The following TBC1D30 variants were observed in gnomAD, a reference collection of about 807,000 sequenced individuals.
The protein encoded by TBC1D30 is TBC1 domain family, member 30.
Under a neutral mutation model 63.2 loss-of-function variants are expected in TBC1D30, and 31 were observed. The ratio of observed to expected loss-of-function variants is 0.49; its 90% CI spans 0.37 to 0.66. TBC1D30 has a LOEUF of 0.66. TBC1D30 is among the 30% of genes least tolerant of loss of function. The pLI, the probability that TBC1D30 is intolerant of heterozygous loss-of-function variation, is 0.00. For missense variants in TBC1D30, 810 were observed against 953.6 expected (o/e 0.85, Z 1.98); for synonymous variants, 307 against 361.5 (o/e 0.85, Z 1.71).
intron 1 of TBC1D30, among the ~76,000 whole-genome samples, chr12:64,763,075 C>T (rs1870576094): frequency 6.6e-6 from 1 of 152,164 alleles, no homozygotes; most frequent in African/African-American, 2.4e-5. Flanking sequence ...CCTGCCTCAG[C>T]CTCCTGAGTA....
intron 8 of TBC1D30, among the ~76,000 whole-genome samples, chr12:64,848,853 G>A (rs549561072): frequency 2.0e-4 from 31 of 152,320 alleles, no homozygotes; most frequent in African/African-American, 7.2e-4. Flanking sequence ...TTGCCACACT[G>A]TCTTCCACAA....
At position 64,880,945 on chromosome 12, in the gene TBC1D30, C is replaced by T. The variant is rs1879425936; in HGVS notation, c.*5157C>T. The stretch of plus-strand genomic sequence containing the variant: ...CAACAGTTTTCTGGGAAGAAACTTC[C>T]TGATACCTCAGCCTAGGAATCTCCC... On this transcript the variant is annotated 3_prime_UTR_variant, in exon 12 of 12. Transcript: ENST00000539867. 6.6e-6 allele frequency: 1 copy of T among 152,212 alleles called. No homozygotes were observed. The highest frequency in any genetic ancestry group is 1.5e-5 in the Non-Finnish European group (1 of 68,044). The allele number at this position is 152,212 out of a possible 1,614,324, so 9.4% of individuals were successfully genotyped here.
At chr12:64,775,304 G>A (rs1871042810) in intron 1 of TBC1D30, among the ~76,000 whole-genome samples, 1 of 151,966 alleles carries the variant, frequency 6.6e-6, no homozygotes, top group Non-Finnish European at 1.5e-5. Context: ...ATGTAAATGG[G>A]CTAAATGCCC....
intron 2 of TBC1D30, among the ~76,000 whole-genome samples, chr12:64,811,402 G>T (rs1187502281): frequency 6.6e-6 from 1 of 152,208 alleles, no homozygotes; most frequent in Admixed American, 6.5e-5. Flanking sequence ...TATGGAGAGG[G>T]TCTTCAGTTT....
intron 8 of TBC1D30, among the ~76,000 whole-genome samples, chr12:64,850,249 T>C (rs891362004): frequency 7.2e-5 from 11 of 152,372 alleles, no homozygotes; most frequent in African/African-American, 2.6e-4. Context: ...CTCTTCCTAT[T>C]TGAATACTGT....
intron 1 of TBC1D30, among the ~76,000 whole-genome samples, chr12:64,761,761 C>T (rs1342387787): frequency 1.3e-5 from 2 of 152,212 alleles, no homozygotes; most frequent in Non-Finnish European, 1.5e-5. Flanking sequence ...GGCTGCTCTG[C>T]CTATGGAGTA....
intron 2 of TBC1D30, among the ~76,000 whole-genome samples, chr12:64,790,345 T>G (rs1206259269): frequency 1.3e-5 from 2 of 152,142 alleles, no homozygotes; most frequent in African/African-American, 2.4e-5. Context: ...GAGTATTTGG[T>G]CAGAAGGTTG....
At position 64,878,819 on chromosome 12, in the gene TBC1D30, C is replaced by T; in HGVS notation, c.*3031C>T. ...GCAGGGTGGCCTGTGACCTGCCCAG[C>T]ATTTGCAGACTCGCTGGTTCCTGAA... On this transcript the variant is annotated 3_prime_UTR_variant, in exon 12 of 12. Transcript: ENST00000539867. The T allele has an allele frequency of 4.3e-6, 1 of 233,082 alleles. No individual in the cohort carries two copies. Among genetic ancestry groups the T allele is most frequent in the East Asian group, 9.7e-5 (1 of 10,340 alleles). 14.4% of individuals were successfully genotyped at this position (233,082 alleles called of 1,614,324 possible).
rs1227868208 is a variant in TBC1D30, at chr12:64,831,987, T to A, written c.409-132T>A. On this transcript the variant is annotated intron_variant, in intron 4 of 11. Transcript: ENST00000539867. The stretch of plus-strand genomic sequence containing the variant: ...AAAAATGCATTTTGGCTCATATGTA[T>A]AAAAACATACACATTTTAAAAAAAT... 8 of 825,574 alleles carry A rather than the reference T, an allele frequency of 9.7e-6. No homozygotes were observed. The African/African-American group carries it at 1.4e-4, about 14-fold the overall frequency. The allele number at this position is 825,574 out of a possible 1,614,324, so 51.1% of individuals were successfully genotyped here. A position where few individuals can be genotyped will look rare whatever the true frequency, so the allele number is the denominator to read the frequency against.
Position 64,824,923 on chromosome 12 carries a change from G to A in TBC1D30, c.44G>A (p.Arg15Lys). 6.5e-7 allele frequency: 1 copy of A among 1,534,636 alleles called. No homozygotes were observed. Among genetic ancestry groups the A allele is most frequent in the Non-Finnish European group, 8.7e-7 (1 of 1,146,600 alleles). Residue 15 changes from arginine to lysine, a missense_variant, in exon 1 of 12, where the codon AGA becomes AAA. Coordinates refer to ENST00000539867, the MANE Select transcript of TBC1D30 (RefSeq NM_015279.2). ...ACCGGGTCTCTGAGGCGCGGGGGGA[G>A]ATGCCTGAAGCGGCAGGGCGGCGGC... ...KLTGSLRRGG[R>K]CLKRQGGGVG...
chr12:64,824,749 G>C lies in TBC1D30; in HGVS notation c.-131G>C. Reference sequence around the variant, plus strand: ...CGTGACCCTCCAGCACCAGCCGGCTGTGCGCTCCCTGCTCCCACGGGCCGG... The same window carrying C: ...CGTGACCCTCCAGCACCAGCCGGCTCTGCGCTCCCTGCTCCCACGGGCCGG... On this transcript the variant is annotated 5_prime_UTR_variant, in exon 1 of 12. Transcript: ENST00000539867. The C allele has an allele frequency of 7.7e-7, 1 of 1,293,480 alleles. No homozygotes were observed. The highest frequency in any genetic ancestry group is 2.8e-5 in the Admixed American group (1 of 36,340). The allele number at this position is 1,293,480 out of a possible 1,614,324, so 80.1% of individuals were successfully genotyped here.
At chr12:64,828,417 C>T in intron 2 of TBC1D30, 27 bp from the exon 3 acceptor site, 5 of 1,518,582 alleles carry the variant, frequency 3.3e-6, no homozygotes, top group Non-Finnish European at 3.5e-6. Flanking sequence ...CTGTGATCAC[C>T]TCCTGGGATT....
At chr12:64,765,706 T>C (rs1392321836) in intron 1 of TBC1D30, among the ~76,000 whole-genome samples, 2 of 149,980 alleles carry the variant, frequency 1.3e-5, no homozygotes, top group African/African-American at 2.5e-5. Flanking sequence ...GTGGAAGATA[T>C]ATAACTGGGC....
intron 8 of TBC1D30, among the ~76,000 whole-genome samples, chr12:64,854,346 C>A (rs1442371976): frequency 6.6e-6 from 1 of 152,088 alleles, no homozygotes; most frequent in Non-Finnish European, 1.5e-5. Flanking sequence ...CATAAGTAAA[C>A]ATGCAAAAAG....
intron 2 of TBC1D30, among the ~76,000 whole-genome samples, chr12:64,805,857 A>G (rs751820835): frequency 2.6e-5 from 4 of 152,176 alleles, no homozygotes; most frequent in South Asian, 2.1e-4. Flanking sequence ...AATAAAATAA[A>G]TAAAATAGTT....
chr12:64,759,510 TGGAGGGAGGCATCAGGCAGTGGC>T, exon 1 of TBC1D30: 1 of 491,502 alleles, frequency 2.0e-6, no homozygotes, highest in East Asian at 3.2e-5. Context: ...TGGCGCAGCC[TGGAGGGAGGCATCAGGCAGTGGC>T]GGAAAAGGGG....
rs1346047479 is a variant in TBC1D30 at position 64,875,613 on chromosome 12, C to T, written c.2111C>T (p.Ser704Leu). 2.6e-6 allele frequency: 4 copies of T among 1,536,092 alleles called. No individual in the cohort carries two copies. Among genetic ancestry groups the T allele is most frequent in the Non-Finnish European group, 3.5e-6 (4 of 1,146,938 alleles). The change falls in exon 12 of 12, where the codon TCA (serine) becomes TTA (leucine). Residue 704 changes from serine (S) to leucine (L), a missense_variant. Physicochemically the swap from Ser to Leu is moderately radical, Grantham distance 145. Transcript: ENST00000539867. ...AGCAAAGCTCCCCAAGGCAGCAACT[C>T]AAAAACCCCCATCTTTAGCCCTTTT... ...ATSKAPQGSN[S>L]KTPIFSPFPS...
chr12:64,764,906 G>T (rs917610606), intron 1 of TBC1D30, among the ~76,000 whole-genome samples: 2 of 152,200 alleles, frequency 1.3e-5, no homozygotes, highest in African/African-American at 4.8e-5. Context: ...TCTCAGAGGG[G>T]TTGGGATGTT....
intron 10 of TBC1D30, 73 bp from the exon 11 acceptor site, chr12:64,870,529 A>G: frequency 4.2e-6 from 5 of 1,195,334 alleles, no homozygotes; most frequent in Non-Finnish European, 6.0e-6. Flanking sequence ...ACTGAGTTGT[A>G]GTGTTATCAA....
Sources: allele counts gnomAD v4.1 joint callset (sites outside exome capture counted in the v4.1 genomes callset), GRCh38; gene constraint gnomAD v4.1.1; transcripts MANE v1.5; gene names NCBI Gene and HGNC (gene_info 2026-07-23, HGNC 2026-07-21).